PLCG1: variants seen among roughly 807,000 people sequenced by gnomAD.
The protein encoded by PLCG1 is phospholipase C gamma 1.
In PLCG1, 71 loss-of-function variants were observed where a neutral mutation model predicts 177.8. That is an observed-to-expected ratio of 0.40 (90% confidence interval 0.33 to 0.49). PLCG1 has a LOEUF of 0.49. PLCG1 is among the 20% of genes least tolerant of loss of function. The pLI is 0.72. For missense variants in PLCG1, 1,281 were observed against 1,709.0 expected (o/e 0.75, Z 4.42); for synonymous variants, 658 against 647.9 (o/e 1.02, Z -0.24).
Position 41,175,872 on chromosome 20 carries a change from T to G in PLCG1, c.*1363T>G, listed in dbSNP as rs1600682937. ...GTTAAGCAGCAAGAGCTGTAACCCC[T>G]CCTCTGGGCTAACAGGAGTTGTGGG... On this transcript the variant is annotated 3_prime_UTR_variant, in exon 32 of 32. Transcript: ENST00000685551. The G allele has an allele frequency of 6.6e-6, 1 of 152,614 alleles. No homozygotes were observed. Among genetic ancestry groups the G allele is most frequent in the African/African-American group, 2.4e-5 (1 of 41,564 alleles). 9.5% of individuals were successfully genotyped at this position (152,614 alleles called of 1,614,324 possible). A position where few individuals can be genotyped will look rare whatever the true frequency, so the allele number is the denominator to read the frequency against.
Position 41,166,712 on chromosome 20 carries a change from G to T in PLCG1, c.2154G>T (p.Gln718His). 1 of 1,614,184 alleles carries T rather than the reference G, an allele frequency of 6.2e-7. No individual in the cohort carries two copies. Among genetic ancestry groups the T allele is most frequent in the Non-Finnish European group, 8.5e-7 (1 of 1,180,024 alleles). Residue 718 changes from glutamine to histidine, a missense_variant, in exon 19 of 32, where the codon CAG (glutamine) becomes CAT (histidine). By Grantham distance (24) the Gln-to-His change is conservative (BLOSUM62 0). Around this residue, in one of 4 missense-constraint regions of PLCG1, gnomAD observed 723 missense variants for 1,030.0 expected, o/e 0.70. Transcript: ENST00000685551. The surrounding 1 kb of genome is among the most constrained non-coding windows in gnomAD (Gnocchi z 8.6). ...AEGKIKHCRVQQEGQTVMLGN... is the reference protein window; with the variant it reads ...AEGKIKHCRVHQEGQTVMLGN... ...GCAAGATCAAGCATTGCCGTGTCCAGCAAGAGGGCCAGACAGTGATGCTAG... is the reference window on the plus strand; with the variant it reads ...GCAAGATCAAGCATTGCCGTGTCCATCAAGAGGGCCAGACAGTGATGCTAG...
rs1444406892 is a variant in PLCG1 at position 41,150,517 on chromosome 20, G to T, written c.218-9089G>T. On this transcript the variant is annotated intron_variant, in intron 1 of 31. Transcript: ENST00000685551. This position sits in a 1 kb window ranked among gnomAD's most constrained non-coding sequence, Gnocchi z 4.0. ...GAAAGAACTTAGGCAGCATCAGTCT[G>T]CAAGGGAGGCAGAGTTTGGAGCACA... is the stretch of plus-strand genomic sequence containing the variant. 6.6e-6 allele frequency among the ~76,000 whole-genome samples: 1 copy of T among 152,122 alleles called. No individual in the cohort carries two copies. The highest frequency in any genetic ancestry group is 1.5e-5 in the Non-Finnish European group (1 of 68,022).
At position 41,137,842 on chromosome 20, in the gene PLCG1, C is replaced by T. The variant is rs780347751; in HGVS notation, c.201C>T (p.Asp67=). Residue 67 remains aspartate, a synonymous_variant, in exon 1 of 32, where the codon GAC becomes GAT. Transcript: ENST00000685551. This position sits in a 1 kb window ranked among gnomAD's most constrained non-coding sequence, Gnocchi z 7.3. ...TRQITWSRGA[D]KIEGAIDIRE... is the part of the protein sequence containing the mutation. Reference sequence around the variant, plus strand: ...AGATCACGTGGAGCCGGGGCGCCGACAAGATCGAGGGGGCCAGTAAGTGCG... The same window carrying T: ...AGATCACGTGGAGCCGGGGCGCCGATAAGATCGAGGGGGCCAGTAAGTGCG... The T allele has an allele frequency of 3.1e-6, 4 of 1,292,182 alleles. No individual in the cohort carries two copies. Among genetic ancestry groups the T allele is most frequent in the Non-Finnish European group, 3.9e-6 (4 of 1,012,704 alleles). 80.0% of individuals were successfully genotyped at this position (1,292,182 alleles called of 1,614,324 possible).
chr20:41,160,774 C>T lies in PLCG1; in HGVS notation c.512+621C>T, dbSNP rs1052113091. Among the ~76,000 whole-genome samples, 5 of 152,066 alleles carry T rather than the reference C, an allele frequency of 3.3e-5. No homozygotes were observed. Among genetic ancestry groups the T allele is most frequent in the Admixed American group, 6.5e-5 (1 of 15,268 alleles). On this transcript the variant is annotated intron_variant, in intron 4 of 31. Transcript: ENST00000685551. This position sits in a 1 kb window ranked among gnomAD's most constrained non-coding sequence, Gnocchi z 5.5. ...TGGCCATGTTGTATTTTGAAGATAG[C>T]GCCAGAAAGAATGTCCTTAACAGAT...
At position 41,166,719 on chromosome 20, in the gene PLCG1, G is replaced by A. The variant is rs142682393; in HGVS notation, c.2161G>A (p.Gly721Ser). ...KIKHCRVQQE[G>S]QTVMLGNSEF... ...CAAGCATTGCCGTGTCCAGCAAGAG[G>A]GCCAGACAGTGATGCTAGGGAACTC... Residue 721 changes from glycine to serine, a missense_variant, in exon 19 of 32, where the codon GGC becomes AGC. Gly to Ser is a moderately conservative substitution (Grantham distance 56). This residue lies in a region of PLCG1 where 723 missense variants were observed against 1,030.0 expected (regional missense o/e 0.70). Transcript: ENST00000685551. The surrounding 1 kb of genome is among the most constrained non-coding windows in gnomAD (Gnocchi z 8.6). The A allele has an allele frequency of 3.1e-6, 5 of 1,614,170 alleles. No individual in the cohort carries two copies. The highest frequency in any genetic ancestry group is 4.2e-6 in the Non-Finnish European group (5 of 1,180,006).
At position 41,138,957 on chromosome 20, in the gene PLCG1, G is replaced by T. The variant is rs34206101; in HGVS notation, c.217+1099G>T. 9.6e-4 allele frequency among the ~76,000 whole-genome samples: 146 copies of T among 152,286 alleles called. 2 individuals are homozygous for T. In the East Asian group the frequency reaches 0.027, roughly 28 times the overall value. ...GCAACTCTAGACTGGGTTGCTTCTTGCAGGGACCCCCGGAGACTAGGGTTA... is the reference window on the plus strand; with the variant it reads ...GCAACTCTAGACTGGGTTGCTTCTTTCAGGGACCCCCGGAGACTAGGGTTA... On this transcript the variant is annotated intron_variant, in intron 1 of 31. Coordinates refer to ENST00000685551, the MANE Select transcript of PLCG1 (RefSeq NM_002660.3).
chr20:41,145,228 C>G (rs2034960720), intron 1 of PLCG1, among the ~76,000 whole-genome samples: 1 of 152,182 alleles, frequency 6.6e-6, no homozygotes, highest in Non-Finnish European at 1.5e-5. Flanking sequence ...GGAGAGTGGC[C>G]TCAGTGGTTC....
rs1301728575 is a variant in PLCG1 at position 41,176,295 on chromosome 20, A to C, written c.*1786A>C. The C allele has an allele frequency of 1.3e-5, 2 of 152,180 alleles. No homozygotes were observed. Among genetic ancestry groups the C allele is most frequent in the African/African-American group, 4.8e-5 (2 of 41,426 alleles). The allele number at this position is 152,180 out of a possible 1,614,324, so 9.4% of individuals were successfully genotyped here. ...GCGATAGTGCTCAGGTTCTTGTGTG[A>C]CTTTCTTTTACAGCTTCACAGTCCC... On this transcript the variant is annotated 3_prime_UTR_variant, in exon 32 of 32. Transcript: ENST00000685551.
In PLCG1 at chr20:41,173,609, C is replaced by G; in HGVS notation, c.3395-43C>G. 1 of 1,614,090 alleles carries G rather than the reference C, an allele frequency of 6.2e-7. No individual in the cohort carries two copies. The highest frequency in any genetic ancestry group is 2.2e-5 in the East Asian group (1 of 44,880). On this transcript the variant is annotated intron_variant, in intron 28 of 31. Transcript: ENST00000685551. The surrounding 1 kb of genome is among the most constrained non-coding windows in gnomAD (Gnocchi z 6.2). ...GCCTCTCCCCACCAGTCATCCCATC[C>G]TCTCCCACGGTGACCTGAAGCCTTT...
Position 41,165,158 on chromosome 20 carries a change from A to G in PLCG1, c.1386+57A>G. On this transcript the variant is annotated intron_variant, in intron 13 of 31. Coordinates refer to ENST00000685551, the MANE Select transcript of PLCG1 (RefSeq NM_002660.3). This position sits in a 1 kb window ranked among gnomAD's most constrained non-coding sequence, Gnocchi z 6.6. The stretch of plus-strand genomic sequence containing the variant: ...CACTTCTCAGTGCCTTGCCCAGGCC[A>G]TGGCTTCAGCTGTTGGGCCTAAACC... The G allele has an allele frequency of 1.9e-6, 3 of 1,603,484 alleles. No individual in the cohort carries two copies. The highest frequency in any genetic ancestry group is 2.6e-6 in the Non-Finnish European group (3 of 1,173,432).
rs1486735651 is a variant in PLCG1, at chr20:41,148,040, G to A, written c.217+10182G>A. Among the ~76,000 whole-genome samples, 1 of 152,148 alleles carries A rather than the reference G, an allele frequency of 6.6e-6. No homozygotes were observed. Among genetic ancestry groups the A allele is most frequent in the Non-Finnish European group, 1.5e-5 (1 of 68,022 alleles). On this transcript the variant is annotated intron_variant, in intron 1 of 31. Coordinates refer to ENST00000685551, the MANE Select transcript of PLCG1 (RefSeq NM_002660.3). The surrounding 1 kb of genome is among the most constrained non-coding windows in gnomAD (Gnocchi z 4.3). Reference sequence around the variant, plus strand: ...AAAGGGAGTGCAGCCAGATGCTGTGGCGGCTGGGTCAAGTAGCTCTAAAAC... The same window carrying A: ...AAAGGGAGTGCAGCCAGATGCTGTGACGGCTGGGTCAAGTAGCTCTAAAAC...
In PLCG1 at chr20:41,166,400, G is replaced by C. The variant is rs1310997596; in HGVS notation, c.2000+6G>C. ...AACGCCCACGAGAGCAAAGAGTGAG[G>C]GAAGGGCCTGGGGGCGGACAAGGCA... is the stretch of plus-strand genomic sequence containing the variant. On this transcript the variant is annotated splice_donor_region_variant and intron_variant, in intron 17 of 31. Transcript: ENST00000685551. The surrounding 1 kb of genome is among the most constrained non-coding windows in gnomAD (Gnocchi z 8.6). 1 of 1,614,080 alleles carries C rather than the reference G, an allele frequency of 6.2e-7. No homozygotes were observed.
chr20:41,172,282 T>C lies in PLCG1; in HGVS notation c.2898T>C (p.Asp966=), dbSNP rs367697370. ...TCTACTGCCGGCCTGTTCCCTTTGA[T>C]GAAGAGAGTAAGGGCCAGGGCCCAG... The part of the protein sequence containing the change: ...LVVYCRPVPF[D]EEKIGTERAC... Residue 966 remains aspartate, a synonymous_variant, in exon 25 of 32, where the codon GAT becomes GAC. Coordinates refer to ENST00000685551, the MANE Select transcript of PLCG1 (RefSeq NM_002660.3). The surrounding 1 kb of genome is among the most constrained non-coding windows in gnomAD (Gnocchi z 7.0). 3 of 1,613,024 alleles carry C rather than the reference T, an allele frequency of 1.9e-6. No individual in the cohort carries two copies. The highest frequency in any genetic ancestry group is 1.6e-4 in the Middle Eastern group (1 of 6,084).
intron 1 of PLCG1, among the ~76,000 whole-genome samples, chr20:41,140,299 T>C (rs1219621354): frequency 6.6e-6 from 1 of 152,220 alleles, no homozygotes; most frequent in Non-Finnish European, 1.5e-5. Flanking sequence ...AGGCTTCCAC[T>C]GAAGCCGTGC....
At position 41,167,912 on chromosome 20, in the gene PLCG1, C is replaced by G. The variant is rs781112491; in HGVS notation, c.2362C>G (p.Pro788Ala). Residue 788 changes from proline (P) to alanine (A), a missense_variant, in exon 20 of 32, where the codon CCT becomes GCT. Around this residue, in one of 4 missense-constraint regions of PLCG1, gnomAD observed 723 missense variants for 1,030.0 expected, o/e 0.70. Transcript: ENST00000685551. This position sits in a 1 kb window ranked among gnomAD's most constrained non-coding sequence, Gnocchi z 4.4. ...RNPGFYVEANPMPTFKCAVKA... is the reference protein window; with the variant it reads ...RNPGFYVEANAMPTFKCAVKA... The stretch of plus-strand genomic sequence containing the variant: ...CCCTGGCTTCTATGTAGAGGCAAAC[C>G]CTATGCCAACTTTCAAGGTACAGCT... 6.2e-7 allele frequency: 1 copy of G among 1,613,166 alleles called. No individual in the cohort carries two copies. Among genetic ancestry groups the G allele is most frequent in the Admixed American group, 1.7e-5 (1 of 60,012 alleles).
At chr20:41,142,537 C>T (rs537363631) in intron 1 of PLCG1, among the ~76,000 whole-genome samples, 2 of 152,232 alleles carry the variant, frequency 1.3e-5, no homozygotes, top group African/African-American at 2.4e-5. Flanking sequence ...CAGACAAGAC[C>T]TTCTTGCTGA....
rs78436003 is a variant in PLCG1 at position 41,174,349 on chromosome 20, G to A, written c.3833+38G>A. 6.9e-4 allele frequency: 1,101 copies of A among 1,604,540 alleles called. No individual in the cohort carries two copies. Among genetic ancestry groups the A allele is most frequent in the Non-Finnish European group, 7.4e-4 (866 of 1,171,540 alleles). ...GAGGGGTGCTAGAGCCAGGAAGGCA[G>A]TGGCTAGGTCCTCCTTCTTCAGTGT... On this transcript the variant is annotated intron_variant, in intron 31 of 31. Coordinates refer to ENST00000685551, the MANE Select transcript of PLCG1 (RefSeq NM_002660.3). The surrounding 1 kb of genome is among the most constrained non-coding windows in gnomAD (Gnocchi z 5.8).
Position 41,164,637 on chromosome 20 carries a change from G to C in PLCG1, c.1218-296G>C, listed in dbSNP as rs762157157. Among the ~76,000 whole-genome samples the C allele has an allele frequency of 8.5e-5, 13 of 152,048 alleles. No homozygotes were observed. The highest frequency in any genetic ancestry group is 1.2e-4 in the African/African-American group (5 of 41,390). ...AGGGCTCTAACAGCTAACTTTGGAGGCTTCTCCTCTCTCCTGGCCTCTTTG... is the reference window on the plus strand; with the variant it reads ...AGGGCTCTAACAGCTAACTTTGGAGCCTTCTCCTCTCTCCTGGCCTCTTTG... On this transcript the variant is annotated intron_variant, in intron 12 of 31. Coordinates refer to ENST00000685551, the MANE Select transcript of PLCG1 (RefSeq NM_002660.3). This position sits in a 1 kb window ranked among gnomAD's most constrained non-coding sequence, Gnocchi z 6.4.
Position 41,137,570 on chromosome 20 carries a change from C to T in PLCG1, c.-72C>T. 3 of 965,462 alleles carry T rather than the reference C, an allele frequency of 3.1e-6. No individual in the cohort carries two copies. The highest frequency in any genetic ancestry group is 4.0e-6 in the Non-Finnish European group (3 of 743,008). The allele number at this position is 965,462 out of a possible 1,614,324, so 59.8% of individuals were successfully genotyped here. A position where few individuals can be genotyped will look rare whatever the true frequency, so the allele number is the denominator to read the frequency against. ...CTGCCGCCTCAGCCTCAGCCCCAAC[C>T]TCAGCCGCCGCCGTTGCGCTTGCTC... is the stretch of plus-strand genomic sequence containing the variant. On this transcript the variant is annotated 5_prime_UTR_variant, in exon 1 of 32. Coordinates refer to ENST00000685551, the MANE Select transcript of PLCG1 (RefSeq NM_002660.3). This position sits in a 1 kb window ranked among gnomAD's most constrained non-coding sequence, Gnocchi z 7.3.
Sources: allele counts gnomAD v4.1 joint callset (sites outside exome capture counted in the v4.1 genomes callset), GRCh38; gene constraint gnomAD v4.1.1; regional missense constraint gnomAD v4.1.1; non-coding constraint Gnocchi (gnomAD v3.1); transcripts MANE v1.5; gene names NCBI Gene and HGNC (gene_info 2026-07-23, HGNC 2026-07-21).